The following TTN variants were observed in gnomAD, a reference collection of about 807,000 sequenced individuals.
TTN encodes connectin.
A neutral mutation model predicts 3,223.0 loss-of-function variants in TTN; 1,525 were observed. The observed-to-expected ratio is 0.47, with a 90% CI of 0.45 to 0.49. The LOEUF (loss-of-function observed/expected upper bound fraction) is 0.49. Among genes scored for constraint, TTN ranks in the 20% least tolerant of loss-of-function variants. The pLI, the probability that TTN is intolerant of heterozygous loss-of-function variation, is 0.00. For missense variants in TTN, 40,786 were observed against 43,424.0 expected (o/e 0.94, Z 5.40); for synonymous variants, 14,094 against 15,161.0 (o/e 0.93, Z 5.17).
intron 135 of TTN, among the ~76,000 whole-genome samples, chr2:178,682,328 G>C (rs1189680251): frequency 1.3e-5 from 2 of 151,946 alleles, no homozygotes; most frequent in Admixed American, 1.3e-4. Context: ...GCAAGTTTTA[G>C]AATAAAGGAT....
In TTN at chr2:178,611,282, T is replaced by C. The variant is rs779640928; in HGVS notation, c.50858-11A>G. The C allele has an allele frequency of 6.2e-7, 1 of 1,611,360 alleles. No homozygotes were observed. Among genetic ancestry groups the C allele is most frequent in the East Asian group, 2.2e-5 (1 of 44,544 alleles). ...CAATTGTTGGCTTGCCTGTAAGATA[T>C]CATTCAAAAGAGCAAAAAACAGAGT... On this transcript the variant is annotated splice_polypyrimidine_tract_variant and intron_variant, in intron 269 of 362. Coordinates refer to ENST00000589042, the MANE Select transcript of TTN (RefSeq NM_001267550.2).
At chr2:178,688,343 T>C in intron 126 of TTN, 119 bp from the exon 127 acceptor site, 2 of 893,270 alleles carry the variant, frequency 2.2e-6, no homozygotes, top group East Asian at 4.9e-5. Context: ...AGCTTCATGG[T>C]ACTTCCTCAC....
intron 156 of TTN, among the ~76,000 whole-genome samples, chr2:178,670,582 CCTTCT>C (rs2066803677): frequency 6.6e-6 from 1 of 151,918 alleles, no homozygotes; most frequent in African/African-American, 2.4e-5. Context: ...AGAGTTGCTA[CCTTCT>C]CTTCAGTGAT....
intron 43 of TTN, 131 bp downstream of exon 43, chr2:178,764,046 T>C (rs1202575268): frequency 3.0e-6 from 4 of 1,355,386 alleles, no homozygotes; most frequent in Non-Finnish European, 4.2e-6. Flanking sequence ...AAATAAGTTT[T>C]CTGTTAGATT....
Position 178,564,472 on chromosome 2 carries a change from G to T in TTN, c.81660C>A (p.Ala27220=), listed in dbSNP as rs763448093. The change falls in exon 326 of 363, where the codon GCC becomes GCA. Residue 27220 remains alanine (A), a synonymous_variant. Transcript: ENST00000589042. ...CAGTTTCTAATACGTTGGTAAAGCT[G>T]GCTTTCATCCAGCGGCCATCAGGTA... ...KDLPDGRWMK[A]SFTNVLETEF... The T allele has an allele frequency of 1.2e-6, 2 of 1,612,080 alleles. No individual in the cohort carries two copies. Among genetic ancestry groups the T allele is most frequent in the Admixed American group, 3.3e-5 (2 of 59,720 alleles).
intron 113 of TTN, among the ~76,000 whole-genome samples, 165 bp downstream of exon 113, chr2:178,696,956 A>G (rs1469336920): frequency 6.6e-6 from 1 of 152,104 alleles, no homozygotes; most frequent in Non-Finnish European, 1.5e-5. Context: ...TTTCCTGGGA[A>G]AGGGGCAATA....
rs750638085 is a variant in TTN, at chr2:178,712,338, C to G, written c.27584G>C (p.Cys9195Ser). Residue 9195 changes from cysteine to serine, a missense_variant, in exon 95 of 363, where the codon TGT (cysteine) becomes TCT (serine). Coordinates refer to ENST00000589042, the MANE Select transcript of TTN (RefSeq NM_001267550.2). Reference protein sequence around the residue: ...YIENASGKDSCSAQILILEPP... With the variant: ...YIENASGKDSSSAQILILEPP... ...ACCTAGTATGAGTATTTGTGCTGAA[C>G]AGGAATCTTTTCCAGAGGCATTTTC... 9.3e-6 allele frequency: 15 copies of G among 1,613,502 alleles called. No individual in the cohort carries two copies. The highest frequency in any genetic ancestry group is 1.6e-4 in the Middle Eastern group (1 of 6,080).
intron 265 of TTN, 65 bp downstream of exon 265, chr2:178,612,708 C>T (rs554001139): frequency 2.6e-6 from 4 of 1,545,830 alleles, no homozygotes; most frequent in Non-Finnish European, 2.6e-6. Flanking sequence ...CATATTTTCT[C>T]ATATCGTAGC....
At position 178,609,229 on chromosome 2, in the gene TTN, G is replaced by A; in HGVS notation, c.52081C>T (p.Pro17361Ser). 6.6e-7 allele frequency: 1 copy of A among 1,520,952 alleles called. No individual in the cohort carries two copies. The highest frequency in any genetic ancestry group is 8.8e-7 in the Non-Finnish European group (1 of 1,138,914). 94.2% of individuals were successfully genotyped at this position (1,520,952 alleles called of 1,614,324 possible). The change falls in exon 273 of 363, where the codon CCT (proline) becomes TCT (serine). Residue 17361 changes from proline to serine, a missense_variant. Transcript: ENST00000589042. ...TCACCTAACACACTGACAGTACAAGGAGCTTTTGCAATACCGTGGTCATTT... is the reference window on the plus strand; with the variant it reads ...TCACCTAACACACTGACAGTACAAGAAGCTTTTGCAATACCGTGGTCATTT... ...VENDHGIAKA[P>S]CTVSVLDTPG...
Position 178,557,599 on chromosome 2 carries a change from C to T in TTN, c.87707-44G>A, listed in dbSNP as rs1003411069. ...CTATAGATTAGTACAGACAATAACA[C>T]ATTTATGGTAAAAGAAAACCTGGAT... On this transcript the variant is annotated intron_variant, in intron 328 of 362. Transcript: ENST00000589042. 9 of 1,612,378 alleles carry T rather than the reference C, an allele frequency of 5.6e-6. No homozygotes were observed. In the Admixed American group the frequency reaches 1.2e-4, roughly 21 times the overall value.
Position 178,713,984 on chromosome 2 carries a change from C to T in TTN, c.26674G>A (p.Val8892Ile), listed in dbSNP as rs747832107. Residue 8892 changes from valine (V) to isoleucine (I), a missense_variant, in exon 92 of 363, where the codon GTA becomes ATA. Physicochemically the swap from Val to Ile is conservative, Grantham distance 29. Transcript: ENST00000589042. ...TATACCCCACTGTCACTCGGTGCTA[C>T]ATTGATGATCTTAAGGCCGGATACT... is the stretch of plus-strand genomic sequence containing the variant. ...NKVSGLKIINVAPSDSGVYSF... is the reference protein window; with the variant it reads ...NKVSGLKIINIAPSDSGVYSF... The T allele has an allele frequency of 1.9e-5, 30 of 1,613,532 alleles. No individual in the cohort carries two copies. In the Admixed American group the frequency reaches 4.7e-4, roughly 25 times the overall value.
intron 47 of TTN, chr2:178,746,966 T>C: frequency 6.2e-7 from 1 of 1,613,472 alleles, no homozygotes; most frequent in Non-Finnish European, 8.5e-7. Context: ...GAAATGCTCA[T>C]TTGGTGTACC....
rs1053083187 is a variant in TTN, at chr2:178,574,133, A to C, written c.71999T>G (p.Ile24000Ser). ...GATGGCACCTGCAGCATTTTTGGCGATCACACGGAATTCATATGCAGCATC... is the reference window on the plus strand; with the variant it reads ...GATGGCACCTGCAGCATTTTTGGCGCTCACACGGAATTCATATGCAGCATC... Reference protein sequence around the residue: ...TEDAAYEFRVIAKNAAGAISP... With the variant: ...TEDAAYEFRVSAKNAAGAISP... The change falls in exon 326 of 363, where the codon ATC becomes AGC. Residue 24000 changes from isoleucine to serine, a missense_variant. By Grantham distance (142) the Ile-to-Ser change is moderately radical (BLOSUM62 -2). Coordinates refer to ENST00000589042, the MANE Select transcript of TTN (RefSeq NM_001267550.2). 1 of 1,613,496 alleles carries C rather than the reference A, an allele frequency of 6.2e-7. No homozygotes were observed. Among genetic ancestry groups the C allele is most frequent in the Non-Finnish European group, 8.5e-7 (1 of 1,179,650 alleles).
intron 242 of TTN, 97 bp from the exon 243 acceptor site, chr2:178,622,864 G>A (rs1261936452): frequency 1.1e-6 from 1 of 944,912 alleles, no homozygotes. Context: ...TCTTTTTTAG[G>A]GATTTTCCAT....
At chr2:178,765,036 T>C (rs2090116321) in intron 41 of TTN, among the ~76,000 whole-genome samples, 1 of 152,172 alleles carries the variant, frequency 6.6e-6, no homozygotes, top group African/African-American at 2.4e-5. Flanking sequence ...CAGAAAGATA[T>C]TTTTGATATT....
In TTN at chr2:178,589,629, G is replaced by T; in HGVS notation, c.62096C>A (p.Pro20699Gln). The T allele has an allele frequency of 6.2e-7, 1 of 1,613,242 alleles. No homozygotes were observed. The highest frequency in any genetic ancestry group is 1.1e-5 in the South Asian group (1 of 91,046). Residue 20699 changes from proline to glutamine, a missense_variant, in exon 304 of 363, where the codon CCA becomes CAA. By Grantham distance (76) the Pro-to-Gln change is moderately conservative. Coordinates refer to ENST00000589042, the MANE Select transcript of TTN (RefSeq NM_001267550.2). ...TCTCTCAACATGATATGACAGATTT[G>T]GACTGCCACCATCATAGTCAGGCCT... is the stretch of plus-strand genomic sequence containing the variant. ...WRRPDYDGGS[P>Q]NLSYHVERRL...
Position 178,552,770 on chromosome 2 carries a change from T to A in TTN, c.90130A>T (p.Lys30044Ter). 6.2e-7 allele frequency: 1 copy of A among 1,613,920 alleles called. No homozygotes were observed. Among genetic ancestry groups the A allele is most frequent in the Non-Finnish European group, 8.5e-7 (1 of 1,179,838 alleles). Reference protein sequence around the residue: ...IRDLSMKDSTKTSVILSWTKP... With the variant: ...IRDLSMKDST ...GTCCAGCTGAGGATGACAGATGTCT[T>A]TGTTGAGTCTTTCATTGAGAGATCA... The change falls in exon 335 of 363, where the codon AAG (lysine) becomes TAG (stop). Residue 30044 changes from lysine to a stop codon, truncating the protein, a stop_gained. Coordinates refer to ENST00000589042, the MANE Select transcript of TTN (RefSeq NM_001267550.2). LOFTEE classifies it high-confidence loss of function.
intron 240 of TTN, among the ~76,000 whole-genome samples, chr2:178,626,549 A>G (rs1435865698): frequency 1.3e-5 from 2 of 152,008 alleles, no homozygotes; most frequent in Non-Finnish European, 2.9e-5. Context: ...GTGTAAAGAA[A>G]AGAATCAGAA....
chr2:178,612,630 C>A (rs1291889429), intron 265 of TTN, 54 bp from the exon 266 acceptor site: 6 of 1,563,406 alleles, frequency 3.8e-6, no homozygotes, highest in South Asian at 1.2e-5. Flanking sequence ...ACCCAATAGT[C>A]AGTCTGAAAG....
Sources: allele counts gnomAD v4.1 joint callset (sites outside exome capture counted in the v4.1 genomes callset), GRCh38; gene constraint gnomAD v4.1.1; transcripts MANE v1.5; gene names NCBI Gene and HGNC (gene_info 2026-07-23, HGNC 2026-07-21).